The following TRIM24 variants were observed in gnomAD, a reference collection of about 807,000 sequenced individuals.
The protein encoded by TRIM24 is tripartite motif containing 24, also known as transcription intermediary factor 1-alpha.
A neutral mutation model predicts 123.9 loss-of-function variants in TRIM24; 29 were observed. That is an observed-to-expected ratio of 0.23 (90% CI 0.17 to 0.32). TRIM24 has a LOEUF of 0.32. Ranked by LOEUF, TRIM24 falls within the 10% of genes least tolerant of loss-of-function variation. The pLI is 1.00. For missense variants in TRIM24, 932 were observed against 1,295.3 expected (o/e 0.72, Z 4.31); for synonymous variants, 456 against 461.1 (o/e 0.99, Z 0.14).
At chr7:138,474,235 C>T (rs1335532040) in intron 1 of TRIM24, among the ~76,000 whole-genome samples, 1 of 151,112 alleles carries the variant, frequency 6.6e-6, no homozygotes, top group African/African-American at 2.4e-5. Context: ...ACGCCATTCT[C>T]CTGCCTCAGC....
chr7:138,498,816 T>C (rs1467392854), intron 1 of TRIM24, among the ~76,000 whole-genome samples: 1 of 151,918 alleles, frequency 6.6e-6, no homozygotes, highest in South Asian at 2.1e-4. Flanking sequence ...GTACCTTTAG[T>C]AGAGACAGGG....
chr7:138,584,073 A>G, intron 18 of TRIM24, 74 bp downstream of exon 18: 1 of 1,477,820 alleles, frequency 6.8e-7, no homozygotes, highest in South Asian at 1.4e-5. Flanking sequence ...ACACCTTGTC[A>G]ACATAGGAGA....
intron 1 of TRIM24, among the ~76,000 whole-genome samples, chr7:138,492,162 C>T (rs1441910825): frequency 6.7e-6 from 1 of 149,740 alleles, no homozygotes; most frequent in Non-Finnish European, 1.5e-5. Flanking sequence ...GTCCCAGCTA[C>T]TCAGGAGGCT....
chr7:138,536,937 G>A (rs529426976), intron 6 of TRIM24, among the ~76,000 whole-genome samples: 59 of 152,286 alleles, frequency 3.9e-4, no homozygotes, highest in African/African-American at 1.2e-3. Context: ...CCCCAGCCTC[G>A]CTGCCGCCTT....
chr7:138,512,523 G>A (rs1716534197), intron 2 of TRIM24, among the ~76,000 whole-genome samples: 1 of 152,142 alleles, frequency 6.6e-6, no homozygotes, highest in Admixed American at 6.5e-5. Flanking sequence ...CTCACCTCAT[G>A]CATTCTGTGT....
chr7:138,469,459 C>A (rs1584682649), intron 1 of TRIM24, among the ~76,000 whole-genome samples: 2 of 152,082 alleles, frequency 1.3e-5, no homozygotes, highest in East Asian at 3.9e-4. Context: ...CAGGCACACA[C>A]CACCACACCT....
intron 9 of TRIM24, among the ~76,000 whole-genome samples, chr7:138,561,361 T>A (rs1229150796): frequency 1.3e-5 from 2 of 152,204 alleles, no homozygotes; most frequent in Non-Finnish European, 2.9e-5. Flanking sequence ...GCCTACTCCA[T>A]CTACACGGCA....
At chr7:138,516,997 G>A (rs1796412079) in intron 3 of TRIM24, among the ~76,000 whole-genome samples, 1 of 151,746 alleles carries the variant, frequency 6.6e-6, no homozygotes, top group Admixed American at 6.6e-5. Context: ...CAACAACCTG[G>A]GAGGTGAGAT....
At chr7:138,525,748 T>C (rs955976067) in intron 5 of TRIM24, among the ~76,000 whole-genome samples, 2 of 152,250 alleles carry the variant, frequency 1.3e-5, no homozygotes, top group African/African-American at 4.8e-5. Context: ...ATGCCTGCCT[T>C]ATGCTGCAAT....
chr7:138,544,752 T>A (rs1490824414), intron 7 of TRIM24, among the ~76,000 whole-genome samples: 1 of 152,228 alleles, frequency 6.6e-6, no homozygotes, highest in East Asian at 1.9e-4. Flanking sequence ...GATTTGAATT[T>A]TCCTATTGAT....
chr7:138,528,774 T>TC (rs1263109714), intron 5 of TRIM24, among the ~76,000 whole-genome samples: 24 of 40,750 alleles, frequency 5.9e-4, no homozygotes, highest in African/African-American at 1.3e-3. Context: ...TCCTTTTTGG[T>TC]CCACCCCCAC....
In TRIM24 at chr7:138,588,010, G is replaced by A. The variant is rs939831900; in HGVS notation, c.*3059G>A. The A allele has an allele frequency of 6.6e-6, 1 of 152,132 alleles. No homozygotes were observed. The highest frequency in any genetic ancestry group is 1.5e-5 in the Non-Finnish European group (1 of 68,012). 9.4% of individuals were successfully genotyped at this position (152,132 alleles called of 1,614,324 possible). A position where few individuals can be genotyped will look rare whatever the true frequency, so the allele number is the denominator to read the frequency against. On this transcript the variant is annotated 3_prime_UTR_variant, in exon 19 of 19. Coordinates refer to ENST00000343526, the MANE Select transcript of TRIM24 (RefSeq NM_015905.3). Reference sequence around the variant, plus strand: ...TACTAAAAAGGAAAATGTAGTTTTAGTTTCTTTTCTAAGCTAAAGAACTGG... The same window carrying A: ...TACTAAAAAGGAAAATGTAGTTTTAATTTCTTTTCTAAGCTAAAGAACTGG...
At chr7:138,562,923 C>T (rs1422115129) in intron 9 of TRIM24, among the ~76,000 whole-genome samples, 2 of 152,156 alleles carry the variant, frequency 1.3e-5, no homozygotes, top group East Asian at 3.8e-4. Flanking sequence ...GGTCTCTCCC[C>T]AGCAGGGGAA....
intron 9 of TRIM24, among the ~76,000 whole-genome samples, chr7:138,560,213 CTG>C (rs1029671635): frequency 6.6e-6 from 1 of 152,218 alleles, no homozygotes; most frequent in African/African-American, 2.4e-5. Flanking sequence ...TTCCTGAACT[CTG>C]TGGCTTATAG....
At chr7:138,472,027 A>G (rs1348072899) in intron 1 of TRIM24, among the ~76,000 whole-genome samples, 1 of 152,110 alleles carries the variant, frequency 6.6e-6, no homozygotes, top group Non-Finnish European at 1.5e-5. Flanking sequence ...AAAAAGAAAA[A>G]AAACCAACCA....
Position 138,557,663 on chromosome 7 carries a change from A to G in TRIM24, c.1530+2697A>G, listed in dbSNP as rs376632495. Among the ~76,000 whole-genome samples, 4 of 152,258 alleles carry G rather than the reference A, an allele frequency of 2.6e-5. No individual in the cohort carries two copies. In the East Asian group the frequency reaches 5.8e-4, roughly 22 times the overall value. On this transcript the variant is annotated intron_variant, in intron 9 of 18. Transcript: ENST00000343526. ...CAGTTATATCTTCAATGACCTTTCC[A>G]TTGTCATCAATTTCTAGGCAGCAAT...
At position 138,586,556 on chromosome 7, in the gene TRIM24, A is replaced by C. The variant is rs1798023042; in HGVS notation, c.*1605A>C. On this transcript the variant is annotated 3_prime_UTR_variant, in exon 19 of 19. Coordinates refer to ENST00000343526, the MANE Select transcript of TRIM24 (RefSeq NM_015905.3). ...AGGTCTTGTTCATAATATGTCAATTATGTATTGTTAAAAAGTCCTACTCAC... is the reference window on the plus strand; with the variant it reads ...AGGTCTTGTTCATAATATGTCAATTCTGTATTGTTAAAAAGTCCTACTCAC... The C allele has an allele frequency of 6.6e-6, 1 of 152,066 alleles. No individual in the cohort carries two copies. 9.4% of individuals were successfully genotyped at this position (152,066 alleles called of 1,614,324 possible). A position where few individuals can be genotyped will look rare whatever the true frequency, so the allele number is the denominator to read the frequency against.
intron 6 of TRIM24, among the ~76,000 whole-genome samples, chr7:138,536,658 G>T (rs546742411): frequency 6.6e-6 from 1 of 152,224 alleles, no homozygotes; most frequent in African/African-American, 2.4e-5. Flanking sequence ...GCTACTTGGG[G>T]GTTAGGGACC....
At chr7:138,562,420 G>T (rs1023985933) in intron 9 of TRIM24, among the ~76,000 whole-genome samples, 1 of 152,292 alleles carries the variant, frequency 6.6e-6, no homozygotes, top group East Asian at 1.9e-4. Context: ...TGGTACTATC[G>T]GGTGGATGTT....
Sources: gnomAD v4.1 joint callset for allele counts (sites outside exome capture counted in the v4.1 genomes callset) on GRCh38, gnomAD v4.1.1 for gene constraint, MANE v1.5 for transcripts, NCBI Gene and HGNC (gene_info 2026-07-23, HGNC 2026-07-21) for gene names.